Variants in ZNF487 observed in about 807,000 individuals in gnomAD.
ZNF487 encodes the protein zinc finger protein 487.
In ZNF487, 4 loss-of-function variants were observed where a neutral mutation model predicts 3.0. That is an observed-to-expected ratio of 1.35 (90% CI 0.66 to 3.08). ZNF487 has a LOEUF of 3.08. ZNF487 is among the 30% of genes most tolerant of loss of function. The probability of loss-of-function intolerance (pLI) is 0.01; values close to 1 mark genes in which losing one functional copy is unlikely to be tolerated. For synonymous variants in ZNF487, 55 were observed against 34.6 expected, an observed-to-expected ratio of 1.59 and a Z score of -2.06; for missense variants, 146 against 98.7, an observed-to-expected ratio of 1.48 and a Z score of -2.03.
At chr10:43,488,129 C>T (rs1379356317), downstream of ZNF487, among the ~76,000 whole-genome samples, 1 of 151,320 alleles carries the variant, frequency 6.6e-6, no homozygotes, top group South Asian at 2.1e-4. Context: ...CAAGATATTA[C>T]ATCCTTAATT....
chr10:43,519,387 T>A, the ZNF487 span, among the ~76,000 whole-genome samples: 14 of 152,286 alleles, frequency 9.2e-5, no homozygotes, highest in Admixed American at 7.2e-4. Flanking sequence ...ATGTAAAACT[T>A]CAAACTTCTG....
chr10:43,485,751 C>T (rs1485735643), downstream of ZNF487, among the ~76,000 whole-genome samples: 1 of 152,200 alleles, frequency 6.6e-6, no homozygotes, highest in African/African-American at 2.4e-5. Context: ...TTAGTTGCCA[C>T]ATGTGGCTAG....
chr10:43,455,466 C>T (rs531876562), intron 1 of ZNF487, among the ~76,000 whole-genome samples: 2 of 152,368 alleles, frequency 1.3e-5, no homozygotes, highest in South Asian at 2.1e-4. Context: ...TGGGTTCGCT[C>T]GCCTTTCCAT....
intron 1 of ZNF487, among the ~76,000 whole-genome samples, chr10:43,442,457 T>G (rs1321996710): frequency 1.3e-5 from 2 of 152,058 alleles, no homozygotes; most frequent in East Asian, 3.8e-4. Context: ...TTTATTTATT[T>G]TTTTGAGACG....
intron 1 of ZNF487, among the ~76,000 whole-genome samples, chr10:43,445,760 G>A (rs959692361): frequency 6.6e-6 from 1 of 152,028 alleles, no homozygotes; most frequent in African/African-American, 2.4e-5. Flanking sequence ...GACAATAGAG[G>A]AGAGAAGTTC....
chr10:43,463,266 G>A (rs560103333), intron 1 of ZNF487, among the ~76,000 whole-genome samples: 1 of 151,534 alleles, frequency 6.6e-6, no homozygotes, highest in Non-Finnish European at 1.5e-5. Context: ...GGGCCAGGCG[G>A]ATGGCTCATG....
At chr10:43,447,258 T>C (rs1839847385) in intron 1 of ZNF487, among the ~76,000 whole-genome samples, 1 of 151,874 alleles carries the variant, frequency 6.6e-6, no homozygotes, top group Non-Finnish European at 1.5e-5. Context: ...ACATTTTTTT[T>C]TTGAGACAGA....
intron 1 of ZNF487, among the ~76,000 whole-genome samples, chr10:43,448,008 G>C (rs542352723): frequency 0.01 from 159 of 15,160 alleles, 1 homozygote; most frequent in Middle Eastern, 0.071. Flanking sequence ...TTTTTTTTTT[G>C]AGACGGAGTC....
chr10:43,438,343 AC>A (rs1305536938), intron 1 of ZNF487, among the ~76,000 whole-genome samples: 1 of 151,922 alleles, frequency 6.6e-6, no homozygotes, highest in Non-Finnish European at 1.5e-5. Context: ...GTGCCACCAC[AC>A]CCGGCTAATT....
intron 1 of ZNF487, among the ~76,000 whole-genome samples, chr10:43,447,605 C>T (rs1007887892): frequency 2.0e-5 from 3 of 152,184 alleles, no homozygotes; most frequent in Admixed American, 1.3e-4. Flanking sequence ...CCTGTGTGAG[C>T]ACTGGGCACT....
chr10:43,442,368 T>C (rs1261148800), intron 1 of ZNF487, among the ~76,000 whole-genome samples: 1 of 152,176 alleles, frequency 6.6e-6, no homozygotes, highest in Non-Finnish European at 1.5e-5. Context: ...GACGTCTTTA[T>C]TCTATTGAGT....
At chr10:43,461,302 C>T (rs1345870698) in intron 1 of ZNF487, among the ~76,000 whole-genome samples, 6 of 113,600 alleles carry the variant, frequency 5.3e-5, no homozygotes, top group Non-Finnish European at 7.1e-5. Flanking sequence ...CCAACATGCC[C>T]GGCCCAGTCT....
intron 1 of ZNF487, among the ~76,000 whole-genome samples, chr10:43,464,448 T>C (rs1840574848): frequency 6.6e-6 from 1 of 151,958 alleles, no homozygotes; most frequent in Non-Finnish European, 1.5e-5. Context: ...CATAGGACAA[T>C]AGTGGAGGGA....
chr10:43,497,682 T>C, the ZNF487 span, among the ~76,000 whole-genome samples: 1 of 152,056 alleles, frequency 6.6e-6, no homozygotes. Context: ...ATAAGAGATA[T>C]ATAGGCTGGG....
chr10:43,468,988 CAAAAAAAAAAAAAAAA>C (rs59076073), intron 1 of ZNF487, among the ~76,000 whole-genome samples: 1 of 60,934 alleles, frequency 1.6e-5, no homozygotes, highest in Non-Finnish European at 2.7e-5. Flanking sequence ...GACTCTATCT[CAAAAAAAAAAAAAAAA>C]AAAAAAAAAA....
At chr10:43,517,395 T>C in the ZNF487 span, among the ~76,000 whole-genome samples, 4 of 152,238 alleles carry the variant, frequency 2.6e-5, no homozygotes, top group African/African-American at 7.2e-5. Context: ...CCACCTTGGA[T>C]GGATTCCCTT....
chr10:43,447,446 T>TGG (rs778083703), intron 1 of ZNF487, among the ~76,000 whole-genome samples: 10 of 152,112 alleles, frequency 6.6e-5, no homozygotes, highest in Non-Finnish European at 1.5e-4. Context: ...TTCACTATGT[T>TGG]GGCCAGGCTG....
At chr10:43,475,934 G>A in intron 2 of ZNF487, 87 bp downstream of exon 2, 1 of 659,470 alleles carries the variant, frequency 1.5e-6, no homozygotes, top group East Asian at 2.7e-5. Context: ...ATGAATATGA[G>A]TTAAAGGCTT....
At chr10:43,437,947 T>C (rs968706749) in intron 1 of ZNF487, among the ~76,000 whole-genome samples, 9 of 152,036 alleles carry the variant, frequency 5.9e-5, no homozygotes, top group Admixed American at 2.0e-4. Flanking sequence ...TGCTTTAGCT[T>C]TCCAAAGTGC....
Sources: allele counts gnomAD v4.1 joint callset (sites outside exome capture counted in the v4.1 genomes callset), GRCh38; gene constraint gnomAD v4.1.1; transcripts MANE v1.5; gene names NCBI Gene and HGNC (gene_info 2026-07-23, HGNC 2026-07-21).